The following DCPS variants were observed in gnomAD, a reference collection of about 807,000 sequenced individuals.
DCPS encodes the protein decapping enzyme, scavenger.
Under a neutral mutation model 34.7 loss-of-function variants are expected in DCPS, and 27 were observed. The observed-to-expected ratio is 0.78, with a 90% CI of 0.57 to 1.07. The LOEUF is 1.07. DCPS is among the 50% of genes least tolerant of loss of function. The pLI is 0.00. For synonymous variants in DCPS, 185 were observed against 185.7 expected, an observed-to-expected ratio of 1.00 and a Z score of 0.03; for missense variants, 464 against 436.9, an observed-to-expected ratio of 1.06 and a Z score of -0.55.
chr11:126,304,283 T>TA lies in DCPS; in HGVS notation c.201+3dup. 1 of 1,613,658 alleles carries TA rather than the reference T, an allele frequency of 6.2e-7. No individual in the cohort carries two copies. The highest frequency in any genetic ancestry group is 8.5e-7 in the Non-Finnish European group (1 of 1,179,932). The stretch of plus-strand genomic sequence containing the variant: ...AAAATCATTTTCCTACACGGGAAGG[T>TA]ACCAGGAGGCAACCCTGAGGTGGGA... On this transcript the variant is annotated splice_region_variant and intron_variant, in intron 1 of 5. Coordinates refer to ENST00000263579, the MANE Select transcript of DCPS (RefSeq NM_014026.6).
rs972538572 is a variant in DCPS at position 126,332,924 on chromosome 11, C to T, written c.522+1374C>T. The stretch of plus-strand genomic sequence containing the variant: ...CAGTTGTTCTGTTGTGCTGGTTGTG[C>T]AGACCTGAGATTCAAGTAAGGAAGC... On this transcript the variant is annotated intron_variant, in intron 3 of 5. Transcript: ENST00000263579. This position sits in a 1 kb window ranked among gnomAD's most constrained non-coding sequence, Gnocchi z 5.4. Among the ~76,000 whole-genome samples, 2 of 152,156 alleles carry T rather than the reference C, an allele frequency of 1.3e-5. No individual in the cohort carries two copies. The highest frequency in any genetic ancestry group is 4.8e-5 in the African/African-American group (2 of 41,434).
In DCPS at chr11:126,320,314, G is replaced by A. The variant is rs1365502005; in HGVS notation, c.377-11091G>A. Reference sequence around the variant, plus strand: ...GTGGACTTGATGTTCCACTGGAGATGATCTTAAAGAACAAGCAAGTATGTC... The same window carrying A: ...GTGGACTTGATGTTCCACTGGAGATAATCTTAAAGAACAAGCAAGTATGTC... On this transcript the variant is annotated intron_variant, in intron 2 of 5. Transcript: ENST00000263579. The surrounding 1 kb of genome is among the most constrained non-coding windows in gnomAD (Gnocchi z 4.7). 6.6e-6 allele frequency among the ~76,000 whole-genome samples: 1 copy of A among 152,170 alleles called. No individual in the cohort carries two copies. Among genetic ancestry groups the A allele is most frequent in the Non-Finnish European group, 1.5e-5 (1 of 68,028 alleles).
intron 2 of DCPS, among the ~76,000 whole-genome samples, chr11:126,316,338 T>C (rs902273534): frequency 1.4e-4 from 21 of 151,982 alleles, no homozygotes; most frequent in African/African-American, 5.1e-4. Context: ...TCTTTTTTTT[T>C]TTTTCAGCTC....
intron 2 of DCPS, among the ~76,000 whole-genome samples, chr11:126,311,699 G>A (rs1951619517): frequency 6.6e-6 from 1 of 152,194 alleles, no homozygotes; most frequent in Admixed American, 6.5e-5. Context: ...GTGATGGGGT[G>A]GGATGGTGGC....
In DCPS at chr11:126,338,271, T is replaced by C. The variant is rs778997133; in HGVS notation, c.523-15T>C. 99 of 1,611,078 alleles carry C rather than the reference T, an allele frequency of 6.1e-5. No homozygotes were observed. Among genetic ancestry groups the C allele is most frequent in the Middle Eastern group, 3.3e-4 (2 of 6,080 alleles). ...TGAGTGGATTTGTGAACCATCTCTC[T>C]CCCCCTCCTTTCAGTGGGTGTATAA... On this transcript the variant is annotated splice_polypyrimidine_tract_variant and intron_variant, in intron 3 of 5. Transcript: ENST00000263579. This position sits in a 1 kb window ranked among gnomAD's most constrained non-coding sequence, Gnocchi z 5.4.
At chr11:126,340,712 C>A (rs1005606086) in intron 4 of DCPS, among the ~76,000 whole-genome samples, 1 of 152,192 alleles carries the variant, frequency 6.6e-6, no homozygotes, top group Non-Finnish European at 1.5e-5. Context: ...TGAATCTCCT[C>A]CTGCCACTGG....
intron 2 of DCPS, among the ~76,000 whole-genome samples, chr11:126,310,967 T>C (rs1251753165): frequency 6.6e-6 from 1 of 151,952 alleles, no homozygotes. Context: ...ACAGTAGAAA[T>C]CATGGGCTCA....
At chr11:126,326,433 G>A (rs960960880) in intron 2 of DCPS, among the ~76,000 whole-genome samples, 1 of 152,186 alleles carries the variant, frequency 6.6e-6, no homozygotes, top group African/African-American at 2.4e-5. Flanking sequence ...TTCCTCATAT[G>A]TAAAATGCAA....
chr11:126,320,736 G>A lies in DCPS; in HGVS notation c.377-10669G>A, dbSNP rs1228836074. ...GAAGATCACTTCAGTCCAGGACATAGAGGCTGCACTCCAGCCTGGGAGACA... is the reference window on the plus strand; with the variant it reads ...GAAGATCACTTCAGTCCAGGACATAAAGGCTGCACTCCAGCCTGGGAGACA... On this transcript the variant is annotated intron_variant, in intron 2 of 5. Transcript: ENST00000263579. This position sits in a 1 kb window ranked among gnomAD's most constrained non-coding sequence, Gnocchi z 4.7. 6.6e-6 allele frequency among the ~76,000 whole-genome samples: 1 copy of A among 152,190 alleles called. No homozygotes were observed. Among genetic ancestry groups the A allele is most frequent in the Non-Finnish European group, 1.5e-5 (1 of 68,040 alleles).
Position 126,345,430 on chromosome 11 carries a change from T to C in DCPS, c.831T>C (p.His277=). ...LHYLPSYYHL[H]VHFTALGFEA... is the part of the protein sequence containing the mutation. The stretch of plus-strand genomic sequence containing the variant: ...ACCTGCCCTCCTACTACCACCTGCA[T>C]GTGCACTTCACCGCCCTGGGCTTCG... Residue 277 remains histidine (H), a synonymous_variant, in exon 6 of 6, where the codon CAT becomes CAC. Transcript: ENST00000263579. This position sits in a 1 kb window ranked among gnomAD's most constrained non-coding sequence, Gnocchi z 7.4. 3 of 1,614,190 alleles carry C rather than the reference T, an allele frequency of 1.9e-6. No individual in the cohort carries two copies. Among genetic ancestry groups the C allele is most frequent in the Non-Finnish European group, 2.5e-6 (3 of 1,180,022 alleles).
At chr11:126,326,934 A>AG (rs1279173589) in intron 2 of DCPS, among the ~76,000 whole-genome samples, 2 of 151,970 alleles carry the variant, frequency 1.3e-5, no homozygotes, top group African/African-American at 2.4e-5. Context: ...AAAAAAAAAA[A>AG]CAAAAAACAA....
rs1951542363 is a variant in DCPS, at chr11:126,304,118, G to A, written c.38G>A (p.Arg13His). The A allele has an allele frequency of 2.5e-6, 4 of 1,613,476 alleles. No homozygotes were observed. The South Asian group carries it at 4.4e-5, about 18-fold the overall frequency. The change falls in exon 1 of 6, where the codon CGC (arginine) becomes CAC (histidine). Residue 13 changes from arginine to histidine, a missense_variant. Transcript: ENST00000263579. The stretch of plus-strand genomic sequence containing the variant: ...GCTCCTCAACTAGGCAAGAGGAAGC[G>A]CGAATTGGACGTGGAGGAGGCCCAC... ...DAAPQLGKRKRELDVEEAHAA... is the reference protein window; with the variant it reads ...DAAPQLGKRKHELDVEEAHAA...
Position 126,306,587 on chromosome 11 carries a change from G to A in DCPS, c.219G>A (p.Gly73=), listed in dbSNP as rs1270000043. The change falls in exon 2 of 6, where the codon GGG becomes GGA. Residue 73 remains glycine (G), a synonymous_variant. Transcript: ENST00000263579. ...GCCCACAGGTGAATGAGGCCTCTGG[G>A]GATGGGGATGGAGAGGATGCCGTTG... ...FLHGKVNEAS[G]DGDGEDAVVI... The A allele has an allele frequency of 6.2e-7, 1 of 1,609,756 alleles. No homozygotes were observed. Among genetic ancestry groups the A allele is most frequent in the Non-Finnish European group, 8.5e-7 (1 of 1,176,906 alleles).
At position 126,349,322 on chromosome 11, in the gene DCPS, G is replaced by T. The variant is rs145883466; in HGVS notation, c.*3709G>T. On this transcript the variant is annotated 3_prime_UTR_variant, in exon 6 of 6. Coordinates refer to ENST00000263579, the MANE Select transcript of DCPS (RefSeq NM_014026.6). This position sits in a 1 kb window ranked among gnomAD's most constrained non-coding sequence, Gnocchi z 5.4. The stretch of plus-strand genomic sequence containing the variant: ...CCCCCGCTCTGCTGGAGCAGTGGCA[G>T]ATGTCACCCTTCCTAGATAAATCCT... Among the ~76,000 whole-genome samples the T allele has an allele frequency of 6.6e-4, 101 of 152,364 alleles. 3 individuals are homozygous for T. Among genetic ancestry groups the T allele is most frequent in the African/African-American group, 2.4e-3 (99 of 41,586 alleles).
Position 126,345,778 on chromosome 11 carries a change from C to T in DCPS, c.*165C>T. On this transcript the variant is annotated 3_prime_UTR_variant, in exon 6 of 6. Transcript: ENST00000263579. This position sits in a 1 kb window ranked among gnomAD's most constrained non-coding sequence, Gnocchi z 7.4. ...AGTGTGGACAGCGTGGCCTGGGAGG[C>T]AGACAGATGGTGGGGGACAGTGGGT... The T allele has an allele frequency of 9.6e-7, 1 of 1,047,016 alleles. No individual in the cohort carries two copies. Among genetic ancestry groups the T allele is most frequent in the Non-Finnish European group, 1.3e-6 (1 of 741,108 alleles). The allele number at this position is 1,047,016 out of a possible 1,614,324, so 64.9% of individuals were successfully genotyped here.
At position 126,346,522 on chromosome 11, in the gene DCPS, G is replaced by A. The variant is rs1244609841; in HGVS notation, c.*909G>A. 1.3e-5 allele frequency among the ~76,000 whole-genome samples: 2 copies of A among 152,340 alleles called. No individual in the cohort carries two copies. Among genetic ancestry groups the A allele is most frequent in the South Asian group, 2.1e-4 (1 of 4,830 alleles). On this transcript the variant is annotated 3_prime_UTR_variant, in exon 6 of 6. Transcript: ENST00000263579. The surrounding 1 kb of genome is among the most constrained non-coding windows in gnomAD (Gnocchi z 4.1). ...AGGCAGCCAACAGGGCTCAAGCGGC[G>A]CAGGGACATGGCTTGTATGGGCGGG...
chr11:126,314,938 T>C (rs1160151134), intron 2 of DCPS, among the ~76,000 whole-genome samples: 1 of 152,078 alleles, frequency 6.6e-6, no homozygotes, highest in African/African-American at 2.4e-5. Context: ...AAAGAACTTA[T>C]TCACGTAAGT....
Position 126,323,782 on chromosome 11 carries a change from A to G in DCPS, c.377-7623A>G, listed in dbSNP as rs1433221970. Among the ~76,000 whole-genome samples the G allele has an allele frequency of 2.6e-5, 4 of 152,010 alleles. No individual in the cohort carries two copies. The highest frequency in any genetic ancestry group is 5.9e-5 in the Non-Finnish European group (4 of 67,996). On this transcript the variant is annotated intron_variant, in intron 2 of 5. Transcript: ENST00000263579. The surrounding 1 kb of genome is among the most constrained non-coding windows in gnomAD (Gnocchi z 4.4). ...TCGAACTCCTGGGCTCAGGTGATCC[A>G]AAGTGCTAGGATTATAGGCATGAGC...
chr11:126,309,128 G>GAGCCAAGAACGT (rs1951599598), intron 2 of DCPS, among the ~76,000 whole-genome samples: 1 of 151,358 alleles, frequency 6.6e-6, no homozygotes, highest in Non-Finnish European at 1.5e-5. Context: ...AGGTTCAAGT[G>GAGCCAAGAACGT]GTTTTCCTGC....
Sources: gnomAD v4.1 joint callset for allele counts (sites outside exome capture counted in the v4.1 genomes callset) on GRCh38, gnomAD v4.1.1 for gene constraint, Gnocchi (gnomAD v3.1) non-coding constraint, MANE v1.5 for transcripts, NCBI Gene and HGNC (gene_info 2026-07-23, HGNC 2026-07-21) for gene names.